ARHGAP26: variants seen among roughly 807,000 people sequenced by gnomAD.
ARHGAP26 encodes the protein Rho GTPase activating protein 26.
ARHGAP26 carries 38 observed loss-of-function variants against 104.8 expected under a neutral mutation model. The observed-to-expected ratio is 0.36, with a 90% CI of 0.28 to 0.48. The LOEUF is 0.48. Among genes scored for constraint, ARHGAP26 ranks in the 20% least tolerant of loss-of-function variants. The probability of loss-of-function intolerance (pLI) is 0.99; values close to 1 mark genes in which losing one functional copy is unlikely to be tolerated. For synonymous variants in ARHGAP26, 341 were observed against 340.0 expected (o/e 1.00, Z -0.03); for missense variants, 704 against 947.9 (o/e 0.74, Z 3.38).
intron 11 of ARHGAP26, among the ~76,000 whole-genome samples, chr5:142,986,054 T>C (rs1185200446): frequency 6.6e-6 from 1 of 152,250 alleles, no homozygotes; most frequent in East Asian, 1.9e-4. Context: ...ATGGTATTTC[T>C]AGTTCTAGAT....
At chr5:142,799,861 C>T (rs1395106802) in intron 1 of ARHGAP26, among the ~76,000 whole-genome samples, 1 of 152,232 alleles carries the variant, frequency 6.6e-6, no homozygotes, top group Non-Finnish European at 1.5e-5. Flanking sequence ...AGGTCCCCAC[C>T]TCTTTGTACT....
chr5:142,980,609 G>A (rs1018749428), intron 11 of ARHGAP26, among the ~76,000 whole-genome samples: 9 of 151,892 alleles, frequency 5.9e-5, no homozygotes, highest in Admixed American at 1.3e-4. Flanking sequence ...GGCTGGTCTC[G>A]AACTCCTGAC....
intron 6 of ARHGAP26, among the ~76,000 whole-genome samples, chr5:142,900,723 A>G (rs1760202336): frequency 6.6e-6 from 1 of 152,156 alleles, no homozygotes; most frequent in Admixed American, 6.5e-5. Flanking sequence ...TAAGTAAAGT[A>G]AATTTTTTTT....
At chr5:143,031,081 C>T (rs1300274596) in intron 12 of ARHGAP26, among the ~76,000 whole-genome samples, 1 of 152,190 alleles carries the variant, frequency 6.6e-6, no homozygotes, top group Non-Finnish European at 1.5e-5. Context: ...CAAAGGCTCC[C>T]GTGCGAAATC....
intron 7 of ARHGAP26, among the ~76,000 whole-genome samples, chr5:142,903,242 C>A (rs1760624408): frequency 6.6e-6 from 1 of 152,162 alleles, no homozygotes; most frequent in South Asian, 2.1e-4. Flanking sequence ...GGAGGCTTAT[C>A]GTAAAACACA....
Position 142,909,980 on chromosome 5 carries a change from G to A in ARHGAP26, c.933+2176G>A, listed in dbSNP as rs367595252. Among the ~76,000 whole-genome samples the A allele has an allele frequency of 2.4e-4, 36 of 152,282 alleles. No homozygotes were observed. In the East Asian group the frequency reaches 6.6e-3, roughly 28 times the overall value. On this transcript the variant is annotated intron_variant, in intron 9 of 22. Transcript: ENST00000645722. ...TGTTTGGTTCTCCAGAGACTTCAGA[G>A]AGTTACTAGAAAGCATGTCATTGGG...
chr5:142,826,502 A>G (rs569706118), intron 1 of ARHGAP26, among the ~76,000 whole-genome samples: 1 of 152,244 alleles, frequency 6.6e-6, no homozygotes, highest in Non-Finnish European at 1.5e-5. Flanking sequence ...TTGAATTTCA[A>G]CTACGTGCTA....
intron 20 of ARHGAP26, chr5:143,169,973 A>T (rs1358310471): frequency 6.6e-6 from 1 of 152,198 alleles, no homozygotes; most frequent in African/African-American, 2.4e-5. Flanking sequence ...CCTTTAAGAA[A>T]AACGTATTTT....
At chr5:143,042,845 A>C (rs1783678072) in intron 14 of ARHGAP26, among the ~76,000 whole-genome samples, 3 of 152,238 alleles carry the variant, frequency 2.0e-5, no homozygotes, top group African/African-American at 7.2e-5. Flanking sequence ...TCTTGTAGCC[A>C]AAACCCTATT....
chr5:143,173,961 A>G (rs1232781065), intron 20 of ARHGAP26, among the ~76,000 whole-genome samples: 1 of 152,232 alleles, frequency 6.6e-6, no homozygotes, highest in Non-Finnish European at 1.5e-5. Context: ...CCCAAGATTC[A>G]GTTGCTGTTT....
Position 143,223,524 on chromosome 5 carries a change from C to T in ARHGAP26, c.*1078C>T, listed in dbSNP as rs1275999701. 1.3e-5 allele frequency: 3 copies of T among 232,170 alleles called. No individual in the cohort carries two copies. Among genetic ancestry groups the T allele is most frequent in the Non-Finnish European group, 2.6e-5 (3 of 117,158 alleles). The allele number at this position is 232,170 out of a possible 1,614,324, so 14.4% of individuals were successfully genotyped here. ...CATCTGACTGGTTTCCCCATGTCCT[C>T]CCATTCACCCATCTCTGCTCCCACC... On this transcript the variant is annotated 3_prime_UTR_variant, in exon 23 of 23. Coordinates refer to ENST00000645722, the MANE Select transcript of ARHGAP26 (RefSeq NM_001135608.3).
intron 12 of ARHGAP26, among the ~76,000 whole-genome samples, chr5:143,027,327 A>G (rs1781204583): frequency 6.7e-6 from 1 of 149,846 alleles, no homozygotes; most frequent in Non-Finnish European, 1.5e-5. Flanking sequence ...ACCTGCCACC[A>G]TGCCTAGCTA....
intron 1 of ARHGAP26, among the ~76,000 whole-genome samples, chr5:142,791,145 C>A (rs1198462080): frequency 1.3e-5 from 2 of 149,914 alleles, no homozygotes; most frequent in Non-Finnish European, 2.9e-5. Context: ...GTGGCACGAT[C>A]TCGGCTTACT....
chr5:143,028,991 C>T (rs1781465375), intron 12 of ARHGAP26, among the ~76,000 whole-genome samples: 1 of 152,160 alleles, frequency 6.6e-6, no homozygotes, highest in African/African-American at 2.4e-5. Flanking sequence ...GGCCACCTTT[C>T]CTGGGCCCCA....
intron 17 of ARHGAP26, among the ~76,000 whole-genome samples, chr5:143,097,209 C>T (rs569846654): frequency 6.6e-6 from 1 of 151,326 alleles, no homozygotes. Flanking sequence ...CATGGTGGTG[C>T]GTGCCTGTAA....
intron 1 of ARHGAP26, among the ~76,000 whole-genome samples, chr5:142,807,392 C>T (rs575267650): frequency 6.6e-6 from 1 of 152,272 alleles, no homozygotes; most frequent in Non-Finnish European, 1.5e-5. Context: ...AAACCATGAG[C>T]CTCTCAGATC....
chr5:143,188,224 A>G (rs1303452012), intron 20 of ARHGAP26, among the ~76,000 whole-genome samples: 2 of 152,214 alleles, frequency 1.3e-5, no homozygotes, highest in East Asian at 3.8e-4. Flanking sequence ...ACGTGGGGGC[A>G]TTCACACTTC....
intron 10 of ARHGAP26, among the ~76,000 whole-genome samples, chr5:142,918,605 TCTC>T (rs1174087688): frequency 2.0e-5 from 3 of 152,172 alleles, no homozygotes; most frequent in Non-Finnish European, 2.9e-5. Context: ...AGAGGTCACA[TCTC>T]CTCTAATTTC....
intron 16 of ARHGAP26, among the ~76,000 whole-genome samples, chr5:143,057,219 T>A (rs1785955984): frequency 1.3e-5 from 2 of 152,230 alleles, no homozygotes; most frequent in African/African-American, 4.8e-5. Flanking sequence ...CTCAAGGTGT[T>A]ATTTTGATAT....
Sources: allele counts gnomAD v4.1 joint callset (sites outside exome capture counted in the v4.1 genomes callset), GRCh38; gene constraint gnomAD v4.1.1; transcripts MANE v1.5; gene names NCBI Gene and HGNC (gene_info 2026-07-23, HGNC 2026-07-21).